The following ARHGAP23 variants were observed in gnomAD, a reference collection of about 807,000 sequenced individuals.
ARHGAP23 encodes the protein rho GTPase-activating protein 23.
A neutral mutation model predicts 136.3 loss-of-function variants in ARHGAP23; 34 were observed. That is an observed-to-expected ratio of 0.25 (90% CI 0.19 to 0.33). The LOEUF (loss-of-function observed/expected upper bound fraction) is 0.33, where lower values mean the gene tolerates loss of function less well. ARHGAP23 is among the 10% of genes least tolerant of loss of function. The probability of loss-of-function intolerance (pLI) is 1.00; values close to 1 mark genes in which losing one functional copy is unlikely to be tolerated. For synonymous variants in ARHGAP23, 832 were observed against 920.5 expected (o/e 0.90, Z 1.74); for missense variants, 1,808 against 2,139.0 (o/e 0.85, Z 3.05).
chr17:38,448,625 T>C (rs940787054), intron 1 of ARHGAP23, among the ~76,000 whole-genome samples: 3 of 147,560 alleles, frequency 2.0e-5, no homozygotes, highest in African/African-American at 7.6e-5. Context: ...GTGCTGCCAC[T>C]GAAAGAACTT....
At chr17:38,474,000 A>C (rs944221560) in intron 11 of ARHGAP23, among the ~76,000 whole-genome samples, 14 of 152,092 alleles carry the variant, frequency 9.2e-5, no homozygotes, top group Admixed American at 8.5e-4. Context: ...AGCTCACTGC[A>C]ACCTCCGCCC....
intron 1 of ARHGAP23, among the ~76,000 whole-genome samples, chr17:38,435,567 T>G (rs2038776590): frequency 6.6e-6 from 1 of 152,242 alleles, no homozygotes; most frequent in South Asian, 2.1e-4. Context: ...CGATCTCTCC[T>G]TGGCCTCACG....
Position 38,482,520 on chromosome 17 carries a change from C to T in ARHGAP23, c.2752-3C>T. On this transcript the variant is annotated splice_region_variant and splice_polypyrimidine_tract_variant and intron_variant, in intron 15 of 23. Transcript: ENST00000622683. The stretch of plus-strand genomic sequence containing the variant: ...CCCTAACACCCCTCCCATGTGTCCC[C>T]AGCGCGTCCCCTTAATCGTGGCTGC... The T allele has an allele frequency of 1.9e-6, 3 of 1,542,016 alleles. No individual in the cohort carries two copies. Among genetic ancestry groups the T allele is most frequent in the Non-Finnish European group, 2.6e-6 (3 of 1,140,112 alleles).
chr17:38,469,207 C>T lies in ARHGAP23; in HGVS notation c.1712C>T (p.Ser571Phe), dbSNP rs1418474550. ...CACGTCCCTGCCTCTGCTGTGGTCT[C>T]CAGTGCCATGAACTCAGCCCCTGTC... Reference protein sequence around the residue: ...AKHVPASAVVSSAMNSAPVLG... With the variant: ...AKHVPASAVVFSAMNSAPVLG... Residue 571 changes from serine to phenylalanine, a missense_variant, in exon 8 of 24, where the codon TCC becomes TTC. Around this residue, in one of 7 missense-constraint regions of ARHGAP23, gnomAD observed 859 missense variants for 936.4 expected, o/e 0.92. Transcript: ENST00000622683. 1.9e-6 allele frequency: 3 copies of T among 1,551,718 alleles called. No homozygotes were observed. The highest frequency in any genetic ancestry group is 2.6e-6 in the Non-Finnish European group (3 of 1,146,868).
At chr17:38,472,929 C>T (rs1039307164) in intron 11 of ARHGAP23, among the ~76,000 whole-genome samples, 1 of 152,158 alleles carries the variant, frequency 6.6e-6, no homozygotes, top group African/African-American at 2.4e-5. Flanking sequence ...TGTACTTCTG[C>T]TTACTGCTAT....
At position 38,441,937 on chromosome 17, in the gene ARHGAP23, CT is replaced by C. The variant is rs549831022; in HGVS notation, c.63+13394del. Among the ~76,000 whole-genome samples, 22 of 152,096 alleles carry C rather than the reference CT, an allele frequency of 1.4e-4. 1 individual carries two copies. In the South Asian group the frequency reaches 3.9e-3, roughly 27 times the overall value. On this transcript the variant is annotated intron_variant, in intron 1 of 23. Coordinates refer to ENST00000622683, the MANE Select transcript of ARHGAP23 (RefSeq NM_001199417.2). ...CAAAGAGGATTGAAGCAGCTCCCCC[CT>C]TTTTCCCCACCCCTTTCTCCCCCAC...
intron 20 of ARHGAP23, among the ~76,000 whole-genome samples, chr17:38,493,146 G>C (rs1047235011): frequency 4.9e-5 from 6 of 123,246 alleles, no homozygotes; most frequent in Non-Finnish European, 9.9e-5. Flanking sequence ...TGCTAATTGA[G>C]GTTACGTCAG....
chr17:38,491,428 C>T lies in ARHGAP23; in HGVS notation c.3172C>T (p.Leu1058=). The part of the protein sequence containing the change: ...KNKMEPRNLA[L]VFGPTLVRTS... ...CCAGATGGAACCCCGGAACCTGGCCCTGGTCTTTGGGCCGACACTGGTGAG... is the reference window on the plus strand; with the variant it reads ...CCAGATGGAACCCCGGAACCTGGCCTTGGTCTTTGGGCCGACACTGGTGAG... The change falls in exon 20 of 24, where the codon CTG becomes TTG. Residue 1058 remains leucine, a synonymous_variant. Coordinates refer to ENST00000622683, the MANE Select transcript of ARHGAP23 (RefSeq NM_001199417.2). 1 of 1,549,706 alleles carries T rather than the reference C, an allele frequency of 6.5e-7. No homozygotes were observed.
In ARHGAP23 at chr17:38,435,507, A is replaced by T. The variant is rs376327282; in HGVS notation, c.63+6959A>T. On this transcript the variant is annotated intron_variant, in intron 1 of 23. Transcript: ENST00000622683. ...AGGGGAGCCTTTGGCAGCCCAAGGG[A>T]GAACCTTGCCCCCGAATCTGATGCT... 9.7e-4 allele frequency among the ~76,000 whole-genome samples: 147 copies of T among 152,322 alleles called. 1 individual carries two copies. Among genetic ancestry groups the T allele is most frequent in the African/African-American group, 3.2e-3 (135 of 41,572 alleles).
At chr17:38,486,536 C>CT (rs34888986) in intron 17 of ARHGAP23, among the ~76,000 whole-genome samples, 33,688 of 125,714 alleles carry the variant, frequency 0.27, 5,117 homozygotes, top group Admixed American at 0.45. Flanking sequence ...ACCACGCTGG[C>CT]TTTTTTTTTT....
chr17:38,510,933 G>A lies in ARHGAP23; in HGVS notation c.4437G>A (p.Pro1479=). 1 of 1,468,750 alleles carries A rather than the reference G, an allele frequency of 6.8e-7. No individual in the cohort carries two copies. Among genetic ancestry groups the A allele is most frequent in the Non-Finnish European group, 8.9e-7 (1 of 1,121,736 alleles). The allele number at this position is 1,468,750 out of a possible 1,614,324, so 91.0% of individuals were successfully genotyped here. The change falls in exon 24 of 24, where the codon CCG becomes CCA. Residue 1479 remains proline (P), a synonymous_variant. Transcript: ENST00000622683. This position sits in a 1 kb window ranked among gnomAD's most constrained non-coding sequence, Gnocchi z 4.6. ...GDTGSLQSQP[P]RRSAASRLHQ... is the part of the protein sequence containing the mutation. ...CGGGGTCCCTGCAGAGCCAGCCCCCGCGCCGCTCGGCCGCCTCCCGCCTGC... is the reference window on the plus strand; with the variant it reads ...CGGGGTCCCTGCAGAGCCAGCCCCCACGCCGCTCGGCCGCCTCCCGCCTGC...
chr17:38,426,778 C>A (rs2038577116), upstream of ARHGAP23, among the ~76,000 whole-genome samples: 1 of 152,232 alleles, frequency 6.6e-6, no homozygotes. Context: ...ATGAGCTAAA[C>A]CCCAGTCAGT....
intron 20 of ARHGAP23, among the ~76,000 whole-genome samples, chr17:38,495,724 T>C (rs557480562): frequency 6.6e-6 from 1 of 152,310 alleles, no homozygotes; most frequent in African/African-American, 2.4e-5. Flanking sequence ...CCACTCTTAA[T>C]AGGCTAATAT....
Position 38,469,849 on chromosome 17 carries a change from G to A in ARHGAP23, c.1919G>A (p.Arg640His), listed in dbSNP as rs561930743. 3.1e-4 allele frequency: 480 copies of A among 1,551,658 alleles called. 2 individuals carry two copies. Among genetic ancestry groups the A allele is most frequent in the South Asian group, 1.2e-3 (103 of 84,068 alleles). Reference protein sequence around the residue: ...TFRDEGRVLRRLPNRIPSLRM... With the variant: ...TFRDEGRVLRHLPNRIPSLRM... ...CACCCTCGACCCTCGCTTTCCAGGCGCCTGCCAAACCGCATACCCAGCCTG... is the reference window on the plus strand; with the variant it reads ...CACCCTCGACCCTCGCTTTCCAGGCACCTGCCAAACCGCATACCCAGCCTG... Residue 640 changes from arginine (R) to histidine (H), a missense_variant and splice_region_variant, in exon 10 of 24, where the codon CGC (arginine) becomes CAC (histidine). By Grantham distance (29) the Arg-to-His change is conservative. This residue lies in a region of ARHGAP23 where 859 missense variants were observed against 936.4 expected (regional missense o/e 0.92). Transcript: ENST00000622683.
chr17:38,428,657 G>A lies in ARHGAP23; in HGVS notation c.63+109G>A, dbSNP rs896966558. 5.5e-5 allele frequency: 40 copies of A among 725,410 alleles called. No homozygotes were observed. In the South Asian group the frequency reaches 1.4e-3, roughly 26 times the overall value. The allele number at this position is 725,410 out of a possible 1,614,324, so 44.9% of individuals were successfully genotyped here. A position where few individuals can be genotyped will look rare whatever the true frequency, so the allele number is the denominator to read the frequency against. ...TCGCCCTGCACAGCCTGGGGCGCAC[G>A]GTGGGCGCGGGCACCGCGGGCACCG... is the stretch of plus-strand genomic sequence containing the variant. On this transcript the variant is annotated intron_variant, in intron 1 of 23. Transcript: ENST00000622683.
At chr17:38,451,344 G>A (rs1323056025) in intron 1 of ARHGAP23, 1 of 152,260 alleles carries the variant, frequency 6.6e-6, no homozygotes, top group African/African-American at 2.4e-5. Flanking sequence ...AGGTTAGAGG[G>A]CAGGAAATGG....
At chr17:38,466,026 T>G in intron 6 of ARHGAP23, 141 bp from the exon 7 acceptor site, 3 of 553,452 alleles carry the variant, frequency 5.4e-6, no homozygotes, top group Non-Finnish European at 8.9e-6. Context: ...CCCACCCACT[T>G]ATGCCTCTCC....
chr17:38,495,920 G>A (rs1167092480), intron 20 of ARHGAP23, among the ~76,000 whole-genome samples: 1 of 151,926 alleles, frequency 6.6e-6, no homozygotes, highest in African/African-American at 2.4e-5. Flanking sequence ...TTTTTGAGAT[G>A]GAGTTTCACT....
At chr17:38,436,374 C>T (rs1430856518) in intron 1 of ARHGAP23, among the ~76,000 whole-genome samples, 1 of 146,402 alleles carries the variant, frequency 6.8e-6, no homozygotes, top group South Asian at 2.2e-4. Context: ...GAGGATATTC[C>T]CCTCAGCTAC....
Sources: gnomAD v4.1 joint callset for allele counts (sites outside exome capture counted in the v4.1 genomes callset) on GRCh38, gnomAD v4.1.1 for gene constraint, gnomAD v4.1.1 regional missense constraint, Gnocchi (gnomAD v3.1) non-coding constraint, MANE v1.5 for transcripts, NCBI Gene and HGNC (gene_info 2026-07-23, HGNC 2026-07-21) for gene names.